TMEM132E: variants seen among roughly 807,000 people sequenced by gnomAD.
TMEM132E encodes the protein transmembrane protein 132E.
Under a neutral mutation model 78.5 loss-of-function variants are expected in TMEM132E, and 49 were observed. The observed-to-expected ratio is 0.62, with a 90% confidence interval of 0.50 to 0.79. The LOEUF (loss-of-function observed/expected upper bound fraction) is 0.79. Among genes scored for constraint, TMEM132E ranks in the 30% least tolerant of loss-of-function variants. The pLI is 0.00. For missense variants in TMEM132E, 1,403 were observed against 1,470.9 expected (o/e 0.95, Z 0.75); for synonymous variants, 715 against 670.6 (o/e 1.07, Z -1.02).
At chr17:34,613,791 G>T (rs1398743051) in intron 1 of TMEM132E, among the ~76,000 whole-genome samples, 4 of 152,038 alleles carry the variant, frequency 2.6e-5, no homozygotes, top group Admixed American at 2.0e-4. Flanking sequence ...GCCCTGGGGG[G>T]TTGGTGGCAG....
At chr17:34,589,152 G>A (rs1329972679) in intron 1 of TMEM132E, among the ~76,000 whole-genome samples, 2 of 152,228 alleles carry the variant, frequency 1.3e-5, no homozygotes, top group Non-Finnish European at 2.9e-5. Flanking sequence ...TTGATAGAAT[G>A]TCCTTTGGCA....
chr17:34,593,453 G>A (rs1030400224), intron 1 of TMEM132E, among the ~76,000 whole-genome samples: 2 of 152,214 alleles, frequency 1.3e-5, no homozygotes, highest in Admixed American at 6.5e-5. Context: ...CAACAGGACA[G>A]TACAGGGCTG....
chr17:34,635,067 C>T lies in TMEM132E; in HGVS notation c.1957C>T (p.Pro653Ser), dbSNP rs1391701191. The T allele has an allele frequency of 6.2e-7, 1 of 1,613,168 alleles. No homozygotes were observed. The highest frequency in any genetic ancestry group is 2.2e-5 in the East Asian group (1 of 44,866). Residue 653 changes from proline (P) to serine (S), a missense_variant, in exon 7 of 9, where the codon CCA (proline) becomes TCA (serine). Physicochemically the swap from Pro to Ser is moderately conservative, Grantham distance 74 (BLOSUM62 -1). Transcript: ENST00000631683. ...VDSSTLAGLEPGTTPFKVVSP... is the reference protein window; with the variant it reads ...VDSSTLAGLESGTTPFKVVSP... ...CAGCAGCACGCTGGCAGGACTGGAG[C>T]CAGGCACCACCCCCTTTAAGGTAGG...
chr17:34,614,619 G>A (rs896812010), intron 1 of TMEM132E: 2 of 152,322 alleles, frequency 1.3e-5, no homozygotes, highest in Admixed American at 1.3e-4. Context: ...AGGTACCACA[G>A]AGGGCCTGGG....
chr17:34,627,829 G>A (rs542679172), intron 2 of TMEM132E, among the ~76,000 whole-genome samples: 64 of 152,178 alleles, frequency 4.2e-4, no homozygotes, highest in African/African-American at 1.4e-3. Context: ...AAATGCTGTC[G>A]GAAAGGGTCA....
intron 1 of TMEM132E, among the ~76,000 whole-genome samples, chr17:34,591,722 C>T (rs573984517): frequency 1.3e-5 from 2 of 152,328 alleles, no homozygotes; most frequent in South Asian, 2.1e-4. Flanking sequence ...CATTTGGGCC[C>T]CAGGAAGGTC....
chr17:34,580,928 G>A lies in TMEM132E; in HGVS notation c.-149G>A. ...CTGGGACGCCCCCTCCCCGCAAAGTGTCCCCGAATTGCACTCTCTGGTCCC... is the reference window on the plus strand; with the variant it reads ...CTGGGACGCCCCCTCCCCGCAAAGTATCCCCGAATTGCACTCTCTGGTCCC... On this transcript the variant is annotated 5_prime_UTR_variant, in exon 1 of 9. Coordinates refer to ENST00000631683, the MANE Select transcript of TMEM132E (RefSeq NM_001304438.2). 1 of 517,650 alleles carries A rather than the reference G, an allele frequency of 1.9e-6. No individual in the cohort carries two copies. The allele number at this position is 517,650 out of a possible 1,614,324, so 32.1% of individuals were successfully genotyped here.
chr17:34,623,242 G>T (rs868346774), intron 1 of TMEM132E, among the ~76,000 whole-genome samples: 1 of 152,136 alleles, frequency 6.6e-6, no homozygotes, highest in Non-Finnish European at 1.5e-5. Flanking sequence ...CTCTGAGTCC[G>T]GTGCCCATCT....
At chr17:34,603,337 A>T (rs995117549) in intron 1 of TMEM132E, among the ~76,000 whole-genome samples, 1 of 152,068 alleles carries the variant, frequency 6.6e-6, no homozygotes, top group Non-Finnish European at 1.5e-5. Flanking sequence ...AAGGAACCTG[A>T]GGGAAGGGCT....
At chr17:34,611,261 C>A (rs1168479790) in intron 1 of TMEM132E, among the ~76,000 whole-genome samples, 2 of 152,048 alleles carry the variant, frequency 1.3e-5, no homozygotes, top group Non-Finnish European at 2.9e-5. Context: ...CAAGAGCAGG[C>A]AGGGGTGGGA....
At chr17:34,595,188 T>G (rs1389489503) in intron 1 of TMEM132E, among the ~76,000 whole-genome samples, 1 of 152,226 alleles carries the variant, frequency 6.6e-6, no homozygotes, top group Admixed American at 6.5e-5. Flanking sequence ...CACTGCAGTG[T>G]GGTGAACAGA....
Position 34,626,659 on chromosome 17 carries a change from C to T in TMEM132E, c.600C>T (p.Phe200=), listed in dbSNP as rs936266731. Residue 200 remains phenylalanine (F), a synonymous_variant, in exon 2 of 9, where the codon TTC becomes TTT. Transcript: ENST00000631683. ...LVRAELPLAW[F]GPPAPAAPPT... Reference sequence around the variant, plus strand: ...GGGCAGAGCTGCCCCTGGCCTGGTTCGGGCCCCCAGCCCCCGCTGCGCCAC... The same window carrying T: ...GGGCAGAGCTGCCCCTGGCCTGGTTTGGGCCCCCAGCCCCCGCTGCGCCAC... 58 of 1,420,086 alleles carry T rather than the reference C, an allele frequency of 4.1e-5. No homozygotes were observed. In the African/African-American group the frequency reaches 7.7e-4, roughly 19 times the overall value. 88.0% of individuals were successfully genotyped at this position (1,420,086 alleles called of 1,614,324 possible).
At chr17:34,603,525 G>A (rs895888505) in intron 1 of TMEM132E, among the ~76,000 whole-genome samples, 2 of 152,210 alleles carry the variant, frequency 1.3e-5, no homozygotes, top group African/African-American at 2.4e-5. Flanking sequence ...ACTGCAGGAA[G>A]AGGGGCTGTG....
intron 1 of TMEM132E, among the ~76,000 whole-genome samples, chr17:34,592,931 T>A (rs7215934): frequency 0.7 from 106,099 of 152,122 alleles, 37,761 homozygotes; most frequent in Non-Finnish European, 0.76. Flanking sequence ...TGGAATTTTG[T>A]TTTCTTGTCT....
In TMEM132E at chr17:34,632,423, G is replaced by A. The variant is rs187709972; in HGVS notation, c.1483-281G>A. 9.8e-5 allele frequency among the ~76,000 whole-genome samples: 15 copies of A among 152,364 alleles called. No individual in the cohort carries two copies. In the East Asian group the frequency reaches 2.7e-3, roughly 27 times the overall value. On this transcript the variant is annotated intron_variant, in intron 5 of 8. Coordinates refer to ENST00000631683, the MANE Select transcript of TMEM132E (RefSeq NM_001304438.2). ...GAGCGTCCTCCAAAGCGTGGCTCTGGCAGGTCAGGAACAGCCCCTGTAAAA... is the reference window on the plus strand; with the variant it reads ...GAGCGTCCTCCAAAGCGTGGCTCTGACAGGTCAGGAACAGCCCCTGTAAAA...
At chr17:34,586,506 G>A (rs545721156) in intron 1 of TMEM132E, among the ~76,000 whole-genome samples, 1 of 151,962 alleles carries the variant, frequency 6.6e-6, no homozygotes, top group Non-Finnish European at 1.5e-5. Context: ...AGAGAAAGGG[G>A]GGACTGAGAC....
At chr17:34,637,033 A>T in intron 8 of TMEM132E, 144 bp from the exon 9 acceptor site, 2 of 713,690 alleles carry the variant, frequency 2.8e-6, no homozygotes, top group South Asian at 3.6e-5. Context: ...TGCCCGCCAC[A>T]GGTCACAGGC....
chr17:34,586,110 CAGAGCACA>C, intron 1 of TMEM132E, among the ~76,000 whole-genome samples: 6 of 152,156 alleles, frequency 3.9e-5, no homozygotes, highest in Non-Finnish European at 5.9e-5. Context: ...CTTTCTCTGT[CAGAGCACA>C]CGCCTCTCTC....
chr17:34,636,169 G>A lies in TMEM132E; in HGVS notation c.2140G>A (p.Ala714Thr). ...SSHTILATTA[A>T]QQTLSFLKQE... The stretch of plus-strand genomic sequence containing the variant: ...CCACACCATCCTAGCCACCACAGCT[G>A]CCCAACAGACCTTGAGCTTCCTCAA... The change falls in exon 8 of 9, where the codon GCC becomes ACC. Residue 714 changes from alanine (A) to threonine (T), a missense_variant. By Grantham distance (58) the Ala-to-Thr change is moderately conservative. Transcript: ENST00000631683. 6.5e-7 allele frequency: 1 copy of A among 1,541,574 alleles called. No homozygotes were observed. The highest frequency in any genetic ancestry group is 8.7e-7 in the Non-Finnish European group (1 of 1,146,064).
Sources: gnomAD v4.1 joint callset for allele counts (sites outside exome capture counted in the v4.1 genomes callset) on GRCh38, gnomAD v4.1.1 for gene constraint, MANE v1.5 for transcripts, NCBI Gene and HGNC (gene_info 2026-07-23, HGNC 2026-07-21) for gene names.